The following PSD3 variants were observed in gnomAD, a reference collection of about 807,000 sequenced individuals.
PSD3 encodes PH and SEC7 domain-containing protein 3.
Under a neutral mutation model 105.5 loss-of-function variants are expected in PSD3, and 49 were observed. The observed-to-expected ratio is 0.46, with a 90% CI of 0.37 to 0.59. PSD3 has a LOEUF of 0.59. Among genes scored for constraint, PSD3 ranks in the 20% least tolerant of loss-of-function variants. The probability of loss-of-function intolerance (pLI) is 0.00; values close to 1 mark genes in which losing one functional copy is unlikely to be tolerated. For synonymous variants in PSD3, 557 were observed against 457.8 expected, an observed-to-expected ratio of 1.22 and a Z score of -2.77; for missense variants, 1,561 against 1,263.8, an observed-to-expected ratio of 1.24 and a Z score of -3.57.
At chr8:18,939,010 A>G (rs10101392) in intron 1 of PSD3, among the ~76,000 whole-genome samples, 2,585 of 124,912 alleles carry the variant, frequency 0.021, 88 homozygotes, top group African/African-American at 0.074. Flanking sequence ...TGCCCCAAGG[A>G]CTCACTAAAA....
At chr8:18,746,897 G>T (rs1188892906) in intron 9 of PSD3, among the ~76,000 whole-genome samples, 1 of 152,232 alleles carries the variant, frequency 6.6e-6, no homozygotes, top group Non-Finnish European at 1.5e-5. Context: ...TGTAGCAAAT[G>T]AATAGAAGGG....
chr8:18,633,456 T>G (rs1585446960), intron 10 of PSD3, among the ~76,000 whole-genome samples: 1 of 152,260 alleles, frequency 6.6e-6, no homozygotes, highest in Admixed American at 6.5e-5. Context: ...TTCCCATCTT[T>G]ATGTCCATGT....
At chr8:18,800,214 C>T (rs1416989647) in intron 7 of PSD3, among the ~76,000 whole-genome samples, 2 of 152,162 alleles carry the variant, frequency 1.3e-5, no homozygotes, top group East Asian at 3.8e-4. Context: ...TAAACATATT[C>T]TTAGATTTGA....
At chr8:18,613,426 T>C (rs889565368) in intron 11 of PSD3, among the ~76,000 whole-genome samples, 4 of 152,172 alleles carry the variant, frequency 2.6e-5, no homozygotes, top group Non-Finnish European at 5.9e-5. Flanking sequence ...AGCAGGACTC[T>C]TATCTCACTT....
intron 12 of PSD3, among the ~76,000 whole-genome samples, chr8:18,595,523 GC>G (rs1280485719): frequency 6.7e-6 from 1 of 149,114 alleles, no homozygotes; most frequent in African/African-American, 2.5e-5. Context: ...CCAAGTATAA[GC>G]TGTCTACAAG....
At chr8:18,795,103 A>T (rs1407115713) in intron 8 of PSD3, among the ~76,000 whole-genome samples, 1 of 152,134 alleles carries the variant, frequency 6.6e-6, no homozygotes, top group Non-Finnish European at 1.5e-5. Context: ...TTTTTTTAAC[A>T]CTGTTCTGTG....
At chr8:18,644,546 G>T (rs1395469110) in intron 10 of PSD3, among the ~76,000 whole-genome samples, 1 of 152,102 alleles carries the variant, frequency 6.6e-6, no homozygotes, top group Non-Finnish European at 1.5e-5. Flanking sequence ...ACTTTACTAT[G>T]CATGTTTCTA....
At chr8:18,826,079 G>A (rs577468238) in intron 4 of PSD3, among the ~76,000 whole-genome samples, 29 of 152,238 alleles carry the variant, frequency 1.9e-4, no homozygotes, top group African/African-American at 6.7e-4. Context: ...TGAATAAAAG[G>A]GTAGACAAAG....
At chr8:18,584,129 T>C (rs1192137606) in intron 12 of PSD3, among the ~76,000 whole-genome samples, 1 of 152,216 alleles carries the variant, frequency 6.6e-6, no homozygotes, top group African/African-American at 2.4e-5. Flanking sequence ...TCAAAGTTTA[T>C]GTACTCAACT....
At chr8:18,740,199 C>A (rs763291598) in intron 9 of PSD3, among the ~76,000 whole-genome samples, 27 of 152,116 alleles carry the variant, frequency 1.8e-4, no homozygotes, top group Non-Finnish European at 3.2e-4. Context: ...CCGACTGGCC[C>A]GCAAAACTGG....
intron 11 of PSD3, among the ~76,000 whole-genome samples, chr8:18,623,491 T>C (rs1170397087): frequency 7.9e-6 from 1 of 126,238 alleles, no homozygotes; most frequent in East Asian, 2.3e-4. Context: ...AAAAAAAAAA[T>C]TAGCTGGGCA....
chr8:18,637,793 C>T (rs1237000661), intron 10 of PSD3, among the ~76,000 whole-genome samples: 2 of 152,166 alleles, frequency 1.3e-5, no homozygotes, highest in Non-Finnish European at 2.9e-5. Context: ...CTGCCAGTCT[C>T]TCATAGATCA....
At chr8:18,816,087 T>C (rs1303442244) in intron 4 of PSD3, among the ~76,000 whole-genome samples, 2 of 152,252 alleles carry the variant, frequency 1.3e-5, no homozygotes, top group Non-Finnish European at 2.9e-5. Context: ...CAAAGGGTCA[T>C]CTTCATCTGG....
In PSD3 at chr8:18,530,092, C is replaced by G. The variant is rs376212645; in HGVS notation, c.*5651G>C. The G allele has an allele frequency of 6.6e-6, 1 of 152,566 alleles. No individual in the cohort carries two copies. The highest frequency in any genetic ancestry group is 1.5e-5 in the Non-Finnish European group (1 of 68,032). The allele number at this position is 152,566 out of a possible 1,614,324, so 9.5% of individuals were successfully genotyped here. A position where few individuals can be genotyped will look rare whatever the true frequency, so the allele number is the denominator to read the frequency against. On this transcript the variant is annotated 3_prime_UTR_variant, in exon 16 of 16. Transcript: ENST00000327040. The stretch of plus-strand genomic sequence containing the variant: ...ACTCTCTGAATCAGCTACAAAGACA[C>G]GAGGCAGTGTGTTTAAACAAAAGAC...
intron 8 of PSD3, among the ~76,000 whole-genome samples, chr8:18,773,201 T>C (rs966927719): frequency 7.2e-5 from 11 of 152,226 alleles, no homozygotes; most frequent in African/African-American, 1.9e-4. Flanking sequence ...CACTGTGTGA[T>C]ATAAGGGTCC....
At chr8:18,882,861 A>G (rs919386103) in intron 2 of PSD3, among the ~76,000 whole-genome samples, 5 of 151,966 alleles carry the variant, frequency 3.3e-5, no homozygotes, top group Non-Finnish European at 5.9e-5. Context: ...ACACACACAC[A>G]CACGCACGCA....
intron 1 of PSD3, among the ~76,000 whole-genome samples, chr8:19,003,185 C>T (rs748677327): frequency 6.6e-6 from 1 of 152,052 alleles, no homozygotes; most frequent in Non-Finnish European, 1.5e-5. Context: ...CTATGCTGCA[C>T]TGCCTCTGGT....
intron 8 of PSD3, among the ~76,000 whole-genome samples, chr8:18,797,419 C>T (rs1024524496): frequency 2.6e-5 from 4 of 152,030 alleles, no homozygotes; most frequent in African/African-American, 9.7e-5. Flanking sequence ...AACTCTTTTC[C>T]ATCCCAGTTG....
At chr8:18,765,270 A>G (rs980821829) in intron 9 of PSD3, among the ~76,000 whole-genome samples, 179 bp downstream of exon 9, 1 of 152,228 alleles carries the variant, frequency 6.6e-6, no homozygotes, top group Admixed American at 6.5e-5. Flanking sequence ...TCTAGAAATT[A>G]TCAACTTAAG....
Sources: gnomAD v4.1 joint callset for allele counts (sites outside exome capture counted in the v4.1 genomes callset) on GRCh38, gnomAD v4.1.1 for gene constraint, MANE v1.5 for transcripts, NCBI Gene and HGNC (gene_info 2026-07-23, HGNC 2026-07-21) for gene names.